The following DISC1 variants were observed in gnomAD, a reference collection of about 807,000 sequenced individuals.
The protein encoded by DISC1 is disrupted in schizophrenia 1 protein.
DISC1 carries 57 observed loss-of-function variants against 84.5 expected under a neutral mutation model. The observed-to-expected ratio is 0.67, with a 90% CI of 0.55 to 0.84. The LOEUF (loss-of-function observed/expected upper bound fraction) is 0.84. Among genes scored for constraint, DISC1 ranks in the 40% least tolerant of loss-of-function variants. The probability of loss-of-function intolerance (pLI) is 0.00; values close to 1 mark genes in which losing one functional copy is unlikely to be tolerated. For synonymous variants in DISC1, 411 were observed against 415.2 expected (o/e 0.99, Z 0.12); for missense variants, 1,000 against 1,057.8 (o/e 0.95, Z 0.76).
intron 9 of DISC1, among the ~76,000 whole-genome samples, chr1:231,923,199 A>AT (rs2090114094): frequency 1.3e-5 from 2 of 151,782 alleles, no homozygotes; most frequent in Non-Finnish European, 2.9e-5. Flanking sequence ...AGGCAGGAGA[A>AT]TCGTTTGAAC....
chr1:231,867,499 G>T (rs188310030), intron 9 of DISC1, among the ~76,000 whole-genome samples: 1 of 152,244 alleles, frequency 6.6e-6, no homozygotes, highest in Admixed American at 6.5e-5. Flanking sequence ...AGCAGAGAGC[G>T]CCTGTTCCAG....
At chr1:231,631,164 T>G (rs897056048) in intron 1 of DISC1, among the ~76,000 whole-genome samples, 2 of 152,232 alleles carry the variant, frequency 1.3e-5, no homozygotes, top group Non-Finnish European at 2.9e-5. Flanking sequence ...ACTCCTTGTG[T>G]TCTGGCAGGT....
At chr1:231,727,302 A>C (rs977851255) in intron 3 of DISC1, among the ~76,000 whole-genome samples, 6 of 152,090 alleles carry the variant, frequency 3.9e-5, no homozygotes, top group African/African-American at 1.4e-4. Context: ...ATAAGATAGA[A>C]TTTCATATAT....
Position 231,692,222 on chromosome 1 carries a change from C to T in DISC1, c.68-1604C>T, listed in dbSNP as rs1262859679. 3.3e-5 allele frequency among the ~76,000 whole-genome samples: 5 copies of T among 152,150 alleles called. No individual in the cohort carries two copies. The South Asian group carries it at 1.0e-3, about 31-fold the overall frequency. On this transcript the variant is annotated intron_variant, in intron 1 of 12. Transcript: ENST00000439617. The stretch of plus-strand genomic sequence containing the variant: ...GTTATAGTGTTAAATGCCTCCCTTC[C>T]TTTCTTTACTCTGACTTCTTCCACC...
chr1:231,914,390 G>A (rs757600032), intron 9 of DISC1, among the ~76,000 whole-genome samples: 6 of 152,094 alleles, frequency 3.9e-5, no homozygotes, highest in South Asian at 2.1e-4. Context: ...CTAAGTACAC[G>A]GGGTAGGATA....
At chr1:231,684,203 G>C (rs1572842805) in intron 1 of DISC1, among the ~76,000 whole-genome samples, 1 of 151,998 alleles carries the variant, frequency 6.6e-6, no homozygotes, top group South Asian at 2.1e-4. Flanking sequence ...ATTCATAGGA[G>C]GAATCATAGC....
intron 9 of DISC1, among the ~76,000 whole-genome samples, chr1:231,880,486 A>G (rs2086209790): frequency 6.6e-6 from 1 of 152,150 alleles, no homozygotes; most frequent in Non-Finnish European, 1.5e-5. Context: ...ATATTTAAAA[A>G]ATTTTTGCTC....
chr1:231,641,523 G>C (rs928991192), intron 1 of DISC1, among the ~76,000 whole-genome samples: 20 of 152,218 alleles, frequency 1.3e-4, no homozygotes, highest in African/African-American at 4.3e-4. Context: ...GTGAGCAGCA[G>C]CAAGGTTTGT....
At chr1:231,661,390 G>A (rs2061552274) in intron 1 of DISC1, among the ~76,000 whole-genome samples, 2 of 152,146 alleles carry the variant, frequency 1.3e-5, no homozygotes, top group Admixed American at 6.6e-5. Context: ...ATCAGTTGGA[G>A]GTTTGGTCTC....
intron 1 of DISC1, among the ~76,000 whole-genome samples, chr1:231,656,453 T>A (rs766747282): frequency 1.3e-5 from 2 of 152,230 alleles, no homozygotes; most frequent in Non-Finnish European, 2.9e-5. Context: ...TGTATCTACT[T>A]TTATACCAAT....
intron 9 of DISC1, among the ~76,000 whole-genome samples, chr1:231,844,317 G>T (rs1452489395): frequency 6.6e-6 from 1 of 152,176 alleles, no homozygotes; most frequent in Non-Finnish European, 1.5e-5. Flanking sequence ...TATGTGTACA[G>T]GTTTATTGTA....
rs779350258 is a variant in DISC1 at position 231,694,406 on chromosome 1, G to T, written c.648G>T (p.Ser216=). 1.2e-6 allele frequency: 2 copies of T among 1,614,116 alleles called. No individual in the cohort carries two copies. The highest frequency in any genetic ancestry group is 1.3e-5 in the African/African-American group (1 of 74,944). ...FTSSFSFIRL[S]LGSAGERGEA... Reference sequence around the variant, plus strand: ...CAAGCTTTAGCTTTATTCGGCTCTCGCTTGGCTCTGCCGGGGAACGTGGAG... The same window carrying T: ...CAAGCTTTAGCTTTATTCGGCTCTCTCTTGGCTCTGCCGGGGAACGTGGAG... Residue 216 remains serine (S), a synonymous_variant, in exon 2 of 13, where the codon TCG becomes TCT. Coordinates refer to ENST00000439617, the MANE Select transcript of DISC1 (RefSeq NM_018662.3).
At chr1:231,940,040 G>C (rs1299623417) in intron 9 of DISC1, among the ~76,000 whole-genome samples, 1 of 151,804 alleles carries the variant, frequency 6.6e-6, no homozygotes, top group Non-Finnish European at 1.5e-5. Flanking sequence ...ACCATGCCTG[G>C]GTTTCTCCGC....
intron 1 of DISC1, among the ~76,000 whole-genome samples, chr1:231,648,033 T>G (rs2125252723): frequency 6.6e-6 from 1 of 152,400 alleles, no homozygotes; most frequent in Middle Eastern, 3.4e-3. Context: ...CCTCTTTTCC[T>G]AATGGAATAC....
intron 1 of DISC1, among the ~76,000 whole-genome samples, chr1:231,642,825 G>A (rs1470729573): frequency 2.6e-5 from 4 of 152,188 alleles, no homozygotes; most frequent in African/African-American, 4.8e-5. Context: ...GCTCAGCAGA[G>A]CGTCTGTCAT....
intron 9 of DISC1, among the ~76,000 whole-genome samples, chr1:231,839,997 A>G (rs1447968337): frequency 6.6e-6 from 1 of 152,200 alleles, no homozygotes; most frequent in African/African-American, 2.4e-5. Flanking sequence ...ACATTTCAAC[A>G]TGAGATTTGG....
At chr1:231,794,725 G>A (rs1378927576) in intron 6 of DISC1, among the ~76,000 whole-genome samples, 1 of 148,346 alleles carries the variant, frequency 6.7e-6, no homozygotes, top group Non-Finnish European at 1.5e-5. Context: ...ATGGAGAAAA[G>A]AGAAGCAGGA....
chr1:231,785,853 G>T (rs945522360), intron 6 of DISC1, among the ~76,000 whole-genome samples: 1 of 152,154 alleles, frequency 6.6e-6, no homozygotes, highest in Non-Finnish European at 1.5e-5. Context: ...ATATACACAG[G>T]CAGGAAGATG....
At chr1:231,654,313 G>GT (rs142226103) in intron 1 of DISC1, among the ~76,000 whole-genome samples, 27,534 of 148,492 alleles carry the variant, frequency 0.19, 3,234 homozygotes, top group East Asian at 0.5. Flanking sequence ...ATAGGATTCT[G>GT]TTTTTTTTTT....
Sources: allele counts gnomAD v4.1 joint callset (sites outside exome capture counted in the v4.1 genomes callset), GRCh38; gene constraint gnomAD v4.1.1; transcripts MANE v1.5; gene names NCBI Gene and HGNC (gene_info 2026-07-23, HGNC 2026-07-21).